The following PPP1R1A variants were observed in gnomAD, a reference collection of about 807,000 sequenced individuals.
PPP1R1A encodes the protein protein phosphatase 1 regulatory subunit 1A.
PPP1R1A carries 18 observed loss-of-function variants against 23.9 expected under a neutral mutation model. That is an observed-to-expected ratio of 0.75 (90% confidence interval 0.52 to 1.12). PPP1R1A has a LOEUF of 1.12. Among genes scored for constraint, PPP1R1A ranks in the 50% most tolerant of loss-of-function variants. PPP1R1A has a pLI of 0.00. For synonymous variants in PPP1R1A, 84 were observed against 80.7 expected, an observed-to-expected ratio of 1.04 and a Z score of -0.22; for missense variants, 207 against 223.8, an observed-to-expected ratio of 0.92 and a Z score of 0.48.
rs1957838036 is a variant in PPP1R1A, at chr12:54,579,916, A to C, written c.*471T>G. 1 of 988,276 alleles carries C rather than the reference A, an allele frequency of 1.0e-6. No homozygotes were observed. Among genetic ancestry groups the C allele is most frequent in the East Asian group, 1.1e-4 (1 of 8,954 alleles). The allele number at this position is 988,276 out of a possible 1,614,324, so 61.2% of individuals were successfully genotyped here. Reference sequence around the variant, plus strand: ...CAGATGGAGCCCACCGCACAGTCACAGCTGGACACGGCACAGGCCTTAGAG... The same window carrying C: ...CAGATGGAGCCCACCGCACAGTCACCGCTGGACACGGCACAGGCCTTAGAG... On this transcript the variant is annotated 3_prime_UTR_variant, in exon 7 of 7. Coordinates refer to ENST00000257905, the MANE Select transcript of PPP1R1A (RefSeq NM_006741.4).
In PPP1R1A at chr12:54,580,098, A is replaced by G. The variant is rs1957840255; in HGVS notation, c.*289T>C. 14 of 1,146,364 alleles carry G rather than the reference A, an allele frequency of 1.2e-5. No homozygotes were observed. The highest frequency in any genetic ancestry group is 1.5e-5 in the Non-Finnish European group (14 of 928,192). 71.0% of individuals were successfully genotyped at this position (1,146,364 alleles called of 1,614,324 possible). ...CTCTCTTCCCACAGCAAGTAAAGTC[A>G]GGGCTAAGGGAAGAACTCTTCCCTG... On this transcript the variant is annotated 3_prime_UTR_variant, in exon 7 of 7. Coordinates refer to ENST00000257905, the MANE Select transcript of PPP1R1A (RefSeq NM_006741.4).
At chr12:54,588,336 G>A (rs1957932373) in intron 1 of PPP1R1A, 69 bp downstream of exon 1, 14 of 1,336,770 alleles carry the variant, frequency 1.0e-5, no homozygotes, top group Non-Finnish European at 1.3e-5. Flanking sequence ...GGGATCCTGG[G>A]TCCCACCAGT....
Position 54,579,814 on chromosome 12 carries a change from G to A in PPP1R1A, c.*573C>T. On this transcript the variant is annotated 3_prime_UTR_variant, in exon 7 of 7. Transcript: ENST00000257905. ...AAGGCAGCTGGGGCTTGGAGGGCAG[G>A]CGAGGAGGTATCGGCACACCACCAT... is the stretch of plus-strand genomic sequence containing the variant. The A allele has an allele frequency of 1.0e-6, 1 of 985,678 alleles. No homozygotes were observed. The highest frequency in any genetic ancestry group is 1.2e-6 in the Non-Finnish European group (1 of 830,104). The allele number at this position is 985,678 out of a possible 1,614,324, so 61.1% of individuals were successfully genotyped here.
chr12:54,582,220 G>A lies in PPP1R1A; in HGVS notation c.248-89C>T. On this transcript the variant is annotated intron_variant, in intron 4 of 6. Coordinates refer to ENST00000257905, the MANE Select transcript of PPP1R1A (RefSeq NM_006741.4). ...TCCGGATTCAACAGCCCCACTAAAG[G>A]CTCAGCACACATTGCTGGGTGTTTG... is the stretch of plus-strand genomic sequence containing the variant. The A allele has an allele frequency of 2.2e-6, 3 of 1,356,328 alleles. No homozygotes were observed. In the South Asian group the frequency reaches 4.5e-5, roughly 20 times the overall value. 84.0% of individuals were successfully genotyped at this position (1,356,328 alleles called of 1,614,324 possible). A position where few individuals can be genotyped will look rare whatever the true frequency, so the allele number is the denominator to read the frequency against.
Position 54,588,561 on chromosome 12 carries a change from G to A in PPP1R1A, c.-73C>T, listed in dbSNP as rs1957935907. Reference sequence around the variant, plus strand: ...GGCGGGACTCGGGGCTGGGGCGGGCGCGCTCCCTCTCCGCTCCGCTCCGGC... The same window carrying A: ...GGCGGGACTCGGGGCTGGGGCGGGCACGCTCCCTCTCCGCTCCGCTCCGGC... On this transcript the variant is annotated 5_prime_UTR_variant, in exon 1 of 7. Transcript: ENST00000257905. 4.2e-6 allele frequency: 4 copies of A among 949,194 alleles called. No individual in the cohort carries two copies. In the East Asian group the frequency reaches 1.5e-4, roughly 36 times the overall value. 58.8% of individuals were successfully genotyped at this position (949,194 alleles called of 1,614,324 possible).
At chr12:54,587,919 G>A (rs1390119694) in intron 1 of PPP1R1A, among the ~76,000 whole-genome samples, 2 of 152,026 alleles carry the variant, frequency 1.3e-5, no homozygotes, top group African/African-American at 2.4e-5. Flanking sequence ...CAGTTAGGAG[G>A]GGACAGGGAG....
At chr12:54,583,068 C>A in intron 3 of PPP1R1A, 143 bp downstream of exon 3, 1 of 817,640 alleles carries the variant, frequency 1.2e-6, no homozygotes, top group South Asian at 1.8e-5. Context: ...TGTATATGTT[C>A]ACTCATGCAC....
At position 54,584,326 on chromosome 12, in the gene PPP1R1A, G is replaced by A. The variant is rs868636030; in HGVS notation, c.85-6C>T. 3 of 1,594,082 alleles carry A rather than the reference G, an allele frequency of 1.9e-6. No individual in the cohort carries two copies. Among genetic ancestry groups the A allele is most frequent in the South Asian group, 2.3e-5 (2 of 87,342 alleles). On this transcript the variant is annotated splice_polypyrimidine_tract_variant and splice_region_variant and intron_variant, in intron 1 of 6. Transcript: ENST00000257905. ...GTGGGGCGGCGCCTCCGAATCTGAG[G>A]GAAGGTGGGAAATGGGGAAGAGGTC...
In PPP1R1A at chr12:54,579,421, T is replaced by A; in HGVS notation, c.*966A>T. ...GCCCCGAGGGCTCATAGTAGCTGCA[T>A]GGCAGAAGTGGGACCTGACGCTTCT... On this transcript the variant is annotated 3_prime_UTR_variant, in exon 7 of 7. Transcript: ENST00000257905. 6.1e-6 allele frequency: 6 copies of A among 985,402 alleles called. No homozygotes were observed. The highest frequency in any genetic ancestry group is 7.2e-6 in the Non-Finnish European group (6 of 829,948). 61.0% of individuals were successfully genotyped at this position (985,402 alleles called of 1,614,324 possible).
rs1957935873 is a variant in PPP1R1A, at chr12:54,588,559, G to C, written c.-71C>G. The C allele has an allele frequency of 1.0e-6, 1 of 977,370 alleles. No individual in the cohort carries two copies. The highest frequency in any genetic ancestry group is 3.7e-5 in the East Asian group (1 of 27,032). The allele number at this position is 977,370 out of a possible 1,614,324, so 60.5% of individuals were successfully genotyped here. A position where few individuals can be genotyped will look rare whatever the true frequency, so the allele number is the denominator to read the frequency against. The stretch of plus-strand genomic sequence containing the variant: ...GCGGCGGGACTCGGGGCTGGGGCGG[G>C]CGCGCTCCCTCTCCGCTCCGCTCCG... On this transcript the variant is annotated 5_prime_UTR_variant, in exon 1 of 7. Coordinates refer to ENST00000257905, the MANE Select transcript of PPP1R1A (RefSeq NM_006741.4).
chr12:54,580,461 C>T, intron 6 of PPP1R1A, 69 bp from the exon 7 acceptor site: 5 of 1,465,638 alleles, frequency 3.4e-6, no homozygotes, highest in East Asian at 2.3e-5. Context: ...CCTTCCCCTT[C>T]TGGCCATCCC....
chr12:54,579,899 G>A lies in PPP1R1A; in HGVS notation c.*488C>T. The A allele has an allele frequency of 2.0e-6, 2 of 986,622 alleles. No homozygotes were observed. The highest frequency in any genetic ancestry group is 2.4e-6 in the Non-Finnish European group (2 of 830,816). The allele number at this position is 986,622 out of a possible 1,614,324, so 61.1% of individuals were successfully genotyped here. ...GTTCCCCTTTTGTCCAGCAGATGGA[G>A]CCCACCGCACAGTCACAGCTGGACA... On this transcript the variant is annotated 3_prime_UTR_variant, in exon 7 of 7. Transcript: ENST00000257905.
At chr12:54,583,341 T>C in intron 2 of PPP1R1A, 93 bp from the exon 3 acceptor site, 1 of 1,209,860 alleles carries the variant, frequency 8.3e-7, no homozygotes, top group Non-Finnish European at 1.1e-6. Context: ...TCTGCAGCCA[T>C]GCTCCTCCTG....
chr12:54,584,157 G>C (rs1367366073), intron 2 of PPP1R1A, 103 bp downstream of exon 2: 4 of 1,176,124 alleles, frequency 3.4e-6, no homozygotes, highest in Non-Finnish European at 5.0e-6. Flanking sequence ...GGACATCCCC[G>C]CCTTCTCAGA....
At chr12:54,588,254 A>G in intron 1 of PPP1R1A, 151 bp downstream of exon 1, 1 of 250,532 alleles carries the variant, frequency 4.0e-6, no homozygotes, top group Admixed American at 6.2e-5. Context: ...AGGGGACAGA[A>G]GACCCCCCCC....
rs1957841710 is a variant in PPP1R1A, at chr12:54,580,232, C to T, written c.*155G>A. On this transcript the variant is annotated 3_prime_UTR_variant, in exon 7 of 7. Transcript: ENST00000257905. ...AGAAGGCAGGGAGAAAGGATTCTCC[C>T]AGTTGGAAAAGAAGGAAAGTGCCAA... The T allele has an allele frequency of 6.9e-7, 1 of 1,449,592 alleles. No homozygotes were observed. The highest frequency in any genetic ancestry group is 2.5e-5 in the Admixed American group (1 of 40,742). 89.8% of individuals were successfully genotyped at this position (1,449,592 alleles called of 1,614,324 possible).
chr12:54,583,278 T>G, intron 2 of PPP1R1A, 30 bp from the exon 3 acceptor site: 2 of 1,480,672 alleles, frequency 1.4e-6, no homozygotes, highest in Non-Finnish European at 1.8e-6. Context: ...GAGAGGGTGA[T>G]AAGGACAGGA....
chr12:54,585,742 T>A (rs1280984593), intron 1 of PPP1R1A, among the ~76,000 whole-genome samples: 1 of 145,768 alleles, frequency 6.9e-6, no homozygotes, highest in Non-Finnish European at 1.5e-5. Flanking sequence ...AAGTGGGGGG[T>A]ACTGGCTATG....
intron 2 of PPP1R1A, 42 bp downstream of exon 2, chr12:54,584,218 T>G (rs192422322): frequency 1.3e-6 from 2 of 1,517,058 alleles, no homozygotes; most frequent in East Asian, 4.7e-5. Flanking sequence ...CCTGCTGCCA[T>G]AGTGGCCCCC....
Sources: allele counts gnomAD v4.1 joint callset (sites outside exome capture counted in the v4.1 genomes callset), GRCh38; gene constraint gnomAD v4.1.1; transcripts MANE v1.5; gene names NCBI Gene and HGNC (gene_info 2026-07-23, HGNC 2026-07-21).